The following STS variants were observed in gnomAD, a reference collection of about 807,000 sequenced individuals.
STS encodes steroid sulfatase.
Under a neutral mutation model 26.8 loss-of-function variants are expected in STS, and 7 were observed. That is an observed-to-expected ratio of 0.26 (90% CI 0.15 to 0.49). The LOEUF (loss-of-function observed/expected upper bound fraction) is 0.49, where lower values mean the gene tolerates loss of function less well. Among genes scored for constraint, STS ranks in the 20% least tolerant of loss-of-function variants. STS has a pLI of 0.98. For synonymous variants in STS, 199 were observed against 189.4 expected (o/e 1.05, Z -0.42); for missense variants, 434 against 465.6 (o/e 0.93, Z 0.63).
intron 6 of STS, among the ~76,000 whole-genome samples, chrX:7,261,065 A>G (rs1923721641): frequency 9.0e-6 from 1 of 111,366 alleles, no homozygotes; most frequent in Non-Finnish European, 1.9e-5. Context: ...AATTAAGTAG[A>G]TATTATATAG....
intron 7 of STS, among the ~76,000 whole-genome samples, chrX:7,276,301 T>A (rs1376692038): frequency 9.1e-6 from 1 of 109,977 alleles, no homozygotes; most frequent in Non-Finnish European, 1.9e-5. Context: ...AGACCCCATC[T>A]CTACAAAAAA....
chrX:7,350,443 G>A lies in STS; in HGVS notation c.*182G>A, dbSNP rs192573858. The A allele has an allele frequency of 1.2e-5, 7 of 583,881 alleles. No individual in the cohort carries two copies. The highest frequency in any genetic ancestry group is 6.5e-5 in the Admixed American group (2 of 30,761). The allele number at this position is 583,881 out of a possible 1,213,427, so 48.1% of individuals were successfully genotyped here. On this transcript the variant is annotated 3_prime_UTR_variant, in exon 11 of 11. Transcript: ENST00000674429. ...AGCTACTCAACTGGAGGGGTGAGGGGGATAAGGTCTGTAGTATACAGACAG... is the reference window on the plus strand; with the variant it reads ...AGCTACTCAACTGGAGGGGTGAGGGAGATAAGGTCTGTAGTATACAGACAG...
intron 2 of STS, among the ~76,000 whole-genome samples, chrX:7,236,829 C>T (rs1327048281): frequency 1.8e-5 from 2 of 109,824 alleles, no homozygotes; most frequent in African/African-American, 6.6e-5. Context: ...TACATAGATG[C>T]ATTAGGTATG....
At chrX:7,214,150 TGC>T (rs1211581096) in intron 2 of STS, among the ~76,000 whole-genome samples, 2 of 112,367 alleles carry the variant, frequency 1.8e-5, no homozygotes, top group African/African-American at 6.5e-5. Context: ...ATGCAAAGCA[TGC>T]CTGATACATG....
At chrX:7,313,288 T>C (rs1926566894) in intron 8 of STS, among the ~76,000 whole-genome samples, 1 of 112,526 alleles carries the variant, frequency 8.9e-6, no homozygotes, top group African/African-American at 3.2e-5. Flanking sequence ...GGCACTGCTC[T>C]TCAGGCATTT....
At chrX:7,201,200 G>A (rs1049982222) in intron 2 of STS, among the ~76,000 whole-genome samples, 1 of 111,050 alleles carries the variant, frequency 9.0e-6, no homozygotes, top group Non-Finnish European at 1.9e-5. Flanking sequence ...ATAAATAGAT[G>A]GATATATAGA....
chrX:7,188,168 A>G (rs751553160), intron 1 of STS, among the ~76,000 whole-genome samples: 1 of 112,059 alleles, frequency 8.9e-6, no homozygotes, highest in South Asian at 3.8e-4. Flanking sequence ...TGTTTGAGTC[A>G]GCTGGGTACC....
chrX:7,254,213 G>GCCAGTAAT (rs1923286501), intron 3 of STS, among the ~76,000 whole-genome samples: 1 of 111,970 alleles, frequency 8.9e-6, no homozygotes, highest in Non-Finnish European at 1.9e-5. Context: ...CTCATAACTT[G>GCCAGTAAT]CCAGTAATTA....
chrX:7,204,579 C>A (rs905808415), intron 2 of STS, among the ~76,000 whole-genome samples: 1 of 91,782 alleles, frequency 1.1e-5, no homozygotes, highest in Admixed American at 1.2e-4. Context: ...TCCTTTCCTT[C>A]CTTTCCTCCT....
intron 8 of STS, among the ~76,000 whole-genome samples, chrX:7,325,102 G>C (rs933316533): frequency 8.9e-5 from 10 of 111,795 alleles, no homozygotes; most frequent in African/African-American, 1.3e-4. Flanking sequence ...TGATTACAAA[G>C]TTTTTGTTCA....
chrX:7,273,655 A>G (rs888632911), intron 6 of STS, among the ~76,000 whole-genome samples: 2 of 111,467 alleles, frequency 1.8e-5, no homozygotes, highest in Non-Finnish European at 3.8e-5. Context: ...CTATTTCTAC[A>G]TGGCTGTACA....
At chrX:7,204,110 A>AAT (rs1934133715) in intron 2 of STS, among the ~76,000 whole-genome samples, 1 of 111,824 alleles carries the variant, frequency 8.9e-6, no homozygotes, top group African/African-American at 3.3e-5. Flanking sequence ...ATTTGTGCTG[A>AAT]TGTTGCCTTT....
At chrX:7,325,307 T>C in intron 8 of STS, 32 bp from the exon 9 acceptor site, 2 of 1,207,113 alleles carry the variant, frequency 1.7e-6, no homozygotes, top group Non-Finnish European at 1.1e-6. Flanking sequence ...GAAATCTCCC[T>C]GTTGCCTCTT....
At chrX:7,323,232 T>G (rs746899540) in intron 8 of STS, among the ~76,000 whole-genome samples, 1 of 111,266 alleles carries the variant, frequency 9.0e-6, no homozygotes, top group South Asian at 3.8e-4. Flanking sequence ...CATGTTTTTT[T>G]TTTTTAATTT....
chrX:7,252,818 A>G (rs1399834502), intron 2 of STS, among the ~76,000 whole-genome samples: 2 of 111,536 alleles, frequency 1.8e-5, no homozygotes, highest in African/African-American at 6.5e-5. Flanking sequence ...TTGACCCCAT[A>G]CACTTTGAGT....
chrX:7,165,155 A>G (rs988966385), intron 1 of STS, among the ~76,000 whole-genome samples: 3 of 108,169 alleles, frequency 2.8e-5, no homozygotes, highest in South Asian at 4.2e-4. Flanking sequence ...TGCACACTAG[A>G]TATTTGGGGC....
In STS at chrX:7,325,373, G is replaced by T; in HGVS notation, c.1116G>T (p.Arg372=). ...GKANNWEGGI[R]VPGILRWPRV... is the part of the protein sequence containing the mutation. The stretch of plus-strand genomic sequence containing the variant: ...CAAACAACTGGGAAGGAGGTATCCG[G>T]GTTCCAGGCATCCTTCGTTGGCCCA... The change falls in exon 9 of 11, where the codon CGG becomes CGT. Residue 372 remains arginine (R), a synonymous_variant. Transcript: ENST00000674429. The T allele has an allele frequency of 4.1e-6, 5 of 1,211,461 alleles. No individual in the cohort carries two copies. The highest frequency in any genetic ancestry group is 1.8e-5 in the South Asian group (1 of 56,977).
intron 9 of STS, among the ~76,000 whole-genome samples, chrX:7,326,125 G>C (rs1466695342): frequency 9.0e-6 from 1 of 110,809 alleles, no homozygotes; most frequent in Non-Finnish European, 1.9e-5. Flanking sequence ...TGAGAGACAG[G>C]AGGGCAGGAG....
chrX:7,328,647 C>A (rs1347137341), intron 9 of STS, among the ~76,000 whole-genome samples: 1 of 107,629 alleles, frequency 9.3e-6, no homozygotes, highest in Non-Finnish European at 1.9e-5. Flanking sequence ...TCTGCCTCCA[C>A]CTCCCAGGCT....
Sources: gnomAD v4.1 joint callset for allele counts (sites outside exome capture counted in the v4.1 genomes callset) on GRCh38, gnomAD v4.1.1 for gene constraint, MANE v1.5 for transcripts, NCBI Gene and HGNC (gene_info 2026-07-23, HGNC 2026-07-21) for gene names.